SCGB2B2: variants seen among roughly 807,000 people sequenced by gnomAD.
SCGB2B2 encodes secretoglobin-like protein.
A neutral mutation model predicts 7.6 loss-of-function variants in SCGB2B2; 11 were observed. The ratio of observed to expected loss-of-function variants is 1.45; its 90% CI spans 0.91 to 2.40. The LOEUF is 2.40. SCGB2B2 is among the 30% of genes most tolerant of loss of function. The probability of loss-of-function intolerance (pLI) is 0.00; values close to 1 mark genes in which losing one functional copy is unlikely to be tolerated. For missense variants in SCGB2B2, 104 were observed against 115.4 expected (o/e 0.90, Z 0.45); for synonymous variants, 50 against 48.6 (o/e 1.03, Z -0.12).
chr19:34,604,021 C>T (rs1387959256), intron 1 of SCGB2B2, among the ~76,000 whole-genome samples: 1 of 151,910 alleles, frequency 6.6e-6, no homozygotes, highest in Non-Finnish European at 1.5e-5. Flanking sequence ...TCCCATTTTT[C>T]TTTTTAATGT....
At chr19:34,604,657 G>A (rs902142261) in intron 1 of SCGB2B2, among the ~76,000 whole-genome samples, 3 of 152,226 alleles carry the variant, frequency 2.0e-5, no homozygotes, top group African/African-American at 7.2e-5. Context: ...TATGAAAATT[G>A]CATTGAGATC....
chr19:34,596,846 C>G (rs2065471740), intron 1 of SCGB2B2, among the ~76,000 whole-genome samples: 1 of 151,874 alleles, frequency 6.6e-6, no homozygotes, highest in African/African-American at 2.4e-5. Flanking sequence ...GACCTGGGAG[C>G]AGAGGGCCGC....
At chr19:34,627,490 T>C (rs2066412099) in intron 1 of SCGB2B2, among the ~76,000 whole-genome samples, 1 of 152,112 alleles carries the variant, frequency 6.6e-6, no homozygotes, top group African/African-American at 2.4e-5. Context: ...AAACAGACTT[T>C]AAACCAACAA....
At chr19:34,662,955 C>A (rs1483088677) in intron 1 of SCGB2B2, among the ~76,000 whole-genome samples, 2 of 146,276 alleles carry the variant, frequency 1.4e-5, no homozygotes, top group African/African-American at 2.6e-5. Context: ...AACAAACAAA[C>A]AAACAAAAAA....
chr19:34,660,854 G>A (rs964775315), intron 1 of SCGB2B2, among the ~76,000 whole-genome samples: 46 of 152,248 alleles, frequency 3.0e-4, no homozygotes, highest in African/African-American at 8.4e-4. Context: ...ATTCACAATA[G>A]CAAAGACTTG....
downstream of SCGB2B2, among the ~76,000 whole-genome samples, chr19:34,589,536 C>T (rs957526604): frequency 2.0e-5 from 3 of 152,156 alleles, no homozygotes; most frequent in Non-Finnish European, 4.4e-5. Flanking sequence ...GGACTTAGGC[C>T]TCCAGGGGCT....
intron 1 of SCGB2B2, among the ~76,000 whole-genome samples, chr19:34,599,112 G>A (rs11668528): frequency 0.027 from 4,056 of 152,358 alleles, 73 homozygotes; most frequent in Middle Eastern, 0.044. Context: ...TGGGAGAGGA[G>A]CTCCCTCAAC....
intron 1 of SCGB2B2, among the ~76,000 whole-genome samples, chr19:34,672,209 G>C (rs2067820355): frequency 6.8e-6 from 1 of 146,946 alleles, no homozygotes; most frequent in African/African-American, 2.6e-5. Context: ...TAACTTATCG[G>C]TAATTTGTTT....
chr19:34,592,943 T>C lies in SCGB2B2; in HGVS notation c.*612A>G, dbSNP rs529678233. 6.6e-6 allele frequency among the ~76,000 whole-genome samples: 1 copy of C among 151,958 alleles called. No homozygotes were observed. The highest frequency in any genetic ancestry group is 2.4e-5 in the African/African-American group (1 of 41,400). On this transcript the variant is annotated 3_prime_UTR_variant, in exon 4 of 4. Coordinates refer to ENST00000601241, the MANE Select transcript of SCGB2B2 (RefSeq NM_001025591.4). ...CTGGAGGTTCTGCATTGAGGGGTTG[T>C]GGGGTAGAGGTAGGGGGAGAAAAAA... is the stretch of plus-strand genomic sequence containing the variant.
In SCGB2B2 at chr19:34,592,329, T is replaced by G. The variant is rs1007214997; in HGVS notation, c.*1226A>C. Among the ~76,000 whole-genome samples the G allele has an allele frequency of 6.6e-6, 1 of 151,798 alleles. No individual in the cohort carries two copies. Among genetic ancestry groups the G allele is most frequent in the East Asian group, 1.9e-4 (1 of 5,154 alleles). ...AGGTGGGTCTGCACTTGTAGGGAAA[T>G]GAGCTCTCAAAGATCCAGGGAGAAA... is the stretch of plus-strand genomic sequence containing the variant. On this transcript the variant is annotated 3_prime_UTR_variant, in exon 4 of 4. Coordinates refer to ENST00000601241, the MANE Select transcript of SCGB2B2 (RefSeq NM_001025591.4).
At chr19:34,608,676 TATATATATAC>T in intron 1 of SCGB2B2, 1 of 102,634 alleles carries the variant, frequency 9.7e-6, no homozygotes, top group East Asian at 2.6e-4. Flanking sequence ...TATATATATA[TATATATATAC>T]CGTATTTTCT....
intron 1 of SCGB2B2, among the ~76,000 whole-genome samples, chr19:34,637,228 G>C (rs2066707690): frequency 6.6e-6 from 1 of 152,136 alleles, no homozygotes; most frequent in Non-Finnish European, 1.5e-5. Context: ...GGGATCTATT[G>C]GGTTCACTGC....
intron 1 of SCGB2B2, among the ~76,000 whole-genome samples, chr19:34,673,705 T>C (rs1002978918): frequency 1.3e-5 from 2 of 152,170 alleles, no homozygotes; most frequent in African/African-American, 4.8e-5. Context: ...CATCAAAACA[T>C]AGCTATTATC....
At chr19:34,662,303 G>A (rs1008638421) in intron 1 of SCGB2B2, among the ~76,000 whole-genome samples, 5 of 152,064 alleles carry the variant, frequency 3.3e-5, no homozygotes, top group Admixed American at 1.3e-4. Flanking sequence ...TAATTAAAAA[G>A]AAAGGGAGTT....
intron 1 of SCGB2B2, among the ~76,000 whole-genome samples, chr19:34,659,407 A>T (rs946998913): frequency 1.3e-5 from 2 of 152,208 alleles, no homozygotes; most frequent in African/African-American, 4.8e-5. Flanking sequence ...TTCAGCCAAA[A>T]TCTCCTTAAG....
intron 1 of SCGB2B2, among the ~76,000 whole-genome samples, chr19:34,632,259 A>T (rs2066554799): frequency 6.6e-6 from 1 of 152,220 alleles, no homozygotes; most frequent in African/African-American, 2.4e-5. Context: ...GAAAAATAAC[A>T]CATTCAACTT....
At chr19:34,641,934 T>C (rs916722330) in intron 1 of SCGB2B2, among the ~76,000 whole-genome samples, 1 of 152,200 alleles carries the variant, frequency 6.6e-6, no homozygotes, top group Non-Finnish European at 1.5e-5. Context: ...ATGCCATTTC[T>C]TCTAAAAATC....
intron 1 of SCGB2B2, among the ~76,000 whole-genome samples, chr19:34,610,074 T>C (rs1005939838): frequency 3.9e-5 from 6 of 152,126 alleles, no homozygotes; most frequent in Admixed American, 2.0e-4. Context: ...GTGGCTATTT[T>C]ACATGTGATT....
rs145466910 is a variant in SCGB2B2 at position 34,676,059 on chromosome 19, G to C, written c.-2461C>G. On this transcript the variant is annotated 5_prime_UTR_variant, in exon 1 of 4. Coordinates refer to ENST00000601241, the MANE Select transcript of SCGB2B2 (RefSeq NM_001025591.4). ...TTGCCGCTGGTTGTTCGGGTGGCCC[G>C]TTTTTATTCCCTTATTTGGCCCCGC... 1 of 152,330 alleles carries C rather than the reference G, an allele frequency of 6.6e-6. No individual in the cohort carries two copies. The highest frequency in any genetic ancestry group is 2.1e-4 in the South Asian group (1 of 4,824). The allele number at this position is 152,330 out of a possible 1,614,324, so 9.4% of individuals were successfully genotyped here.
Sources: gnomAD v4.1 joint callset for allele counts (sites outside exome capture counted in the v4.1 genomes callset) on GRCh38, gnomAD v4.1.1 for gene constraint, MANE v1.5 for transcripts, NCBI Gene and HGNC (gene_info 2026-07-23, HGNC 2026-07-21) for gene names.